Variants in SNTG1 observed in about 807,000 individuals in gnomAD.
SNTG1 encodes the protein syntrophin gamma 1.
Under a neutral mutation model 74.7 loss-of-function variants are expected in SNTG1, and 39 were observed. The ratio of observed to expected loss-of-function variants is 0.52; its 90% CI spans 0.40 to 0.68. The LOEUF is 0.68. Among genes scored for constraint, SNTG1 ranks in the 30% least tolerant of loss-of-function variants. The pLI, the probability that SNTG1 is intolerant of heterozygous loss-of-function variation, is 0.00. For missense variants in SNTG1, 685 were observed against 609.5 expected, an observed-to-expected ratio of 1.12 and a Z score of -1.30; for synonymous variants, 254 against 217.1, an observed-to-expected ratio of 1.17 and a Z score of -1.49.
intron 2 of SNTG1, among the ~76,000 whole-genome samples, chr8:50,366,724 C>A (rs1345544425): frequency 6.9e-6 from 1 of 144,486 alleles, no homozygotes; most frequent in East Asian, 2.0e-4. Context: ...TTACTATTTG[C>A]ATATATATGT....
intron 4 of SNTG1, among the ~76,000 whole-genome samples, chr8:50,422,258 A>G (rs553689255): frequency 2.9e-3 from 50 of 17,156 alleles, no homozygotes; most frequent in Middle Eastern, 0.12. Context: ...CTATCTATCT[A>G]TCTATCTATC....
Position 50,110,616 on chromosome 8 carries a change from C to A in SNTG1, c.-102-61945C>A, listed in dbSNP as rs111351983. 7.2e-5 allele frequency among the ~76,000 whole-genome samples: 11 copies of A among 152,300 alleles called. 1 individual carries two copies. Among genetic ancestry groups the A allele is most frequent in the African/African-American group, 2.4e-4 (10 of 41,572 alleles). On this transcript the variant is annotated intron_variant, in intron 1 of 18. Transcript: ENST00000642720. ...CTAAAGCTTTAGGAACCAACACCAA[C>A]TGCTCGAGATGAAGCTTTTTGTCCT...
chr8:50,379,341 G>T (rs543152997), intron 2 of SNTG1, among the ~76,000 whole-genome samples: 3 of 152,260 alleles, frequency 2.0e-5, no homozygotes, highest in African/African-American at 4.8e-5. Context: ...GCCTTCATGG[G>T]CCCCCAGAGA....
intron 1 of SNTG1, among the ~76,000 whole-genome samples, chr8:50,113,303 A>G (rs1408013642): frequency 1.3e-5 from 2 of 152,140 alleles, no homozygotes; most frequent in African/African-American, 2.4e-5. Context: ...TTCTCCTTGA[A>G]GAGGTCCTTC....
At chr8:50,442,226 C>T (rs938218662) in intron 5 of SNTG1, among the ~76,000 whole-genome samples, 1 of 152,290 alleles carries the variant, frequency 6.6e-6, no homozygotes, top group East Asian at 1.9e-4. Flanking sequence ...TCTCTGCTTT[C>T]TTGTCTCATT....
At chr8:50,677,828 T>C (rs544105881) in intron 15 of SNTG1, among the ~76,000 whole-genome samples, 2 of 152,160 alleles carry the variant, frequency 1.3e-5, no homozygotes, top group East Asian at 1.9e-4. Context: ...ATAGATAGTT[T>C]GCAGTGCCAG....
At chr8:49,924,482 C>A (rs1012468990) in intron 1 of SNTG1, among the ~76,000 whole-genome samples, 2 of 152,002 alleles carry the variant, frequency 1.3e-5, no homozygotes. Flanking sequence ...GTTTTAAAAA[C>A]CAAGTTTAGT....
chr8:50,237,615 C>T (rs2085972508), intron 2 of SNTG1, among the ~76,000 whole-genome samples: 1 of 152,060 alleles, frequency 6.6e-6, no homozygotes, highest in Non-Finnish European at 1.5e-5. Flanking sequence ...TTTTCCTGAA[C>T]TCTCCTTCAA....
At chr8:50,239,425 G>A (rs2086069087) in intron 2 of SNTG1, among the ~76,000 whole-genome samples, 1 of 152,154 alleles carries the variant, frequency 6.6e-6, no homozygotes, top group African/African-American at 2.4e-5. Flanking sequence ...TTCACAAAGT[G>A]GCAGGAGAGA....
chr8:50,501,462 T>G (rs1445898459), intron 8 of SNTG1, among the ~76,000 whole-genome samples: 1 of 134,490 alleles, frequency 7.4e-6, no homozygotes, highest in Non-Finnish European at 1.6e-5. Context: ...TTTCACGGAG[T>G]TTTGCTCTTG....
intron 1 of SNTG1, among the ~76,000 whole-genome samples, chr8:50,018,652 T>C (rs1325198808): frequency 6.6e-6 from 1 of 152,000 alleles, no homozygotes; most frequent in East Asian, 1.9e-4. Flanking sequence ...ATGGACATTA[T>C]CAAATTAAAA....
intron 1 of SNTG1, among the ~76,000 whole-genome samples, chr8:49,926,837 T>A (rs905524252): frequency 6.6e-6 from 1 of 152,180 alleles, no homozygotes; most frequent in East Asian, 1.9e-4. Flanking sequence ...TTGCAAAGGA[T>A]ATATTTAATA....
intron 1 of SNTG1, among the ~76,000 whole-genome samples, chr8:50,132,717 C>G (rs1463673043): frequency 6.6e-6 from 1 of 152,098 alleles, no homozygotes; most frequent in African/African-American, 2.4e-5. Context: ...TAGAATTTTT[C>G]CTTTATTTTG....
chr8:50,167,211 A>G (rs1218188207), intron 1 of SNTG1, among the ~76,000 whole-genome samples: 1 of 148,856 alleles, frequency 6.7e-6, no homozygotes, highest in African/African-American at 2.5e-5. Flanking sequence ...AGCATGGCAC[A>G]TGTATACATA....
At chr8:50,148,199 T>A (rs2081938440) in intron 1 of SNTG1, among the ~76,000 whole-genome samples, 1 of 152,062 alleles carries the variant, frequency 6.6e-6, no homozygotes, top group Non-Finnish European at 1.5e-5. Flanking sequence ...GAATATGAAT[T>A]CATACTGGTA....
chr8:50,149,305 G>T (rs917230764), intron 1 of SNTG1, among the ~76,000 whole-genome samples: 3 of 152,200 alleles, frequency 2.0e-5, no homozygotes, highest in Non-Finnish European at 4.4e-5. Flanking sequence ...TTTGCAAGAT[G>T]AGTAGATTGC....
chr8:49,995,917 A>G (rs1814166896), intron 1 of SNTG1, among the ~76,000 whole-genome samples: 1 of 152,192 alleles, frequency 6.6e-6, no homozygotes, highest in African/African-American at 2.4e-5. Flanking sequence ...ATGCATCCAT[A>G]TCTTTAAGCA....
At chr8:50,520,668 A>G (rs1263596534) in intron 9 of SNTG1, among the ~76,000 whole-genome samples, 1 of 152,226 alleles carries the variant, frequency 6.6e-6, no homozygotes, top group Non-Finnish European at 1.5e-5. Flanking sequence ...GACACATGAA[A>G]AAATACTCAT....
intron 2 of SNTG1, chr8:50,382,103 C>T (rs1217388940): frequency 6.6e-6 from 1 of 151,748 alleles, no homozygotes; most frequent in Non-Finnish European, 1.5e-5. Flanking sequence ...AGATGGTGCC[C>T]ACCCAGATTA....
Sources: allele counts gnomAD v4.1 joint callset (sites outside exome capture counted in the v4.1 genomes callset), GRCh38; gene constraint gnomAD v4.1.1; transcripts MANE v1.5; gene names NCBI Gene and HGNC (gene_info 2026-07-23, HGNC 2026-07-21).